The following PUS10 variants were observed in gnomAD, a reference collection of about 807,000 sequenced individuals.
PUS10 encodes the protein tRNA pseudouridine synthase Pus10.
A neutral mutation model predicts 75.0 loss-of-function variants in PUS10; 59 were observed. That is an observed-to-expected ratio of 0.79 (90% CI 0.64 to 0.98). The LOEUF is 0.98. Among genes scored for constraint, PUS10 ranks in the 50% least tolerant of loss-of-function variants. PUS10 has a pLI of 0.00. For missense variants in PUS10, 650 were observed against 614.4 expected, an observed-to-expected ratio of 1.06 and a Z score of -0.61; for synonymous variants, 219 against 211.6, an observed-to-expected ratio of 1.03 and a Z score of -0.30.
intron 11 of PUS10, among the ~76,000 whole-genome samples, chr2:60,956,947 C>A (rs1174939197): frequency 7.4e-6 from 1 of 135,426 alleles, no homozygotes; most frequent in Non-Finnish European, 1.5e-5. Flanking sequence ...TGCACTCCAG[C>A]CCGGGTGACA....
intron 4 of PUS10, among the ~76,000 whole-genome samples, chr2:60,996,130 A>T (rs1015182321): frequency 2.6e-5 from 4 of 152,214 alleles, no homozygotes; most frequent in African/African-American, 9.6e-5. Flanking sequence ...CCTCACAGGA[A>T]TGTGATTTGT....
At chr2:60,945,139 A>G (rs1382400773) in intron 16 of PUS10, 31 bp from the exon 17 acceptor site, 2 of 1,366,478 alleles carry the variant, frequency 1.5e-6, no homozygotes, top group Non-Finnish European at 1.0e-6. Flanking sequence ...AAATGAAGAC[A>G]GCATGCTGTA....
chr2:60,945,304 G>C (rs1011162168), intron 16 of PUS10, among the ~76,000 whole-genome samples, 196 bp from the exon 17 acceptor site: 1 of 152,164 alleles, frequency 6.6e-6, no homozygotes, highest in Non-Finnish European at 1.5e-5. Flanking sequence ...CAGAGCCTGG[G>C]AAATGTGTTT....
chr2:61,008,614 T>A, intron 3 of PUS10, 147 bp downstream of exon 3: 1 of 628,316 alleles, frequency 1.6e-6, no homozygotes, highest in South Asian at 2.3e-5. Flanking sequence ...CAGCTGTGAT[T>A]GTACCACTGC....
At chr2:61,014,879 A>C (rs1679866937) in intron 1 of PUS10, among the ~76,000 whole-genome samples, 1 of 152,158 alleles carries the variant, frequency 6.6e-6, no homozygotes, top group Non-Finnish European at 1.5e-5. Flanking sequence ...CAAGTTGCTA[A>C]ATGTTTGGGG....
chr2:60,998,585 G>A (rs1022634527), intron 4 of PUS10, among the ~76,000 whole-genome samples: 13 of 152,066 alleles, frequency 8.5e-5, no homozygotes, highest in African/African-American at 3.1e-4. Context: ...GCTACTCAGG[G>A]AGGCTGAAGC....
chr2:61,017,923 G>C, intron 1 of PUS10, 85 bp downstream of exon 1: 1 of 1,448,806 alleles, frequency 6.9e-7, no homozygotes, highest in Non-Finnish European at 9.5e-7. Context: ...CGGTTGTAGC[G>C]GTTGTTAGTG....
intron 1 of PUS10, chr2:61,017,732 G>C: frequency 6.5e-7 from 1 of 1,540,378 alleles, no homozygotes; most frequent in Non-Finnish European, 8.8e-7. Flanking sequence ...TCAGGGGTAG[G>C]AGCGGGAGCC....
At chr2:61,015,800 G>A (rs575980409) in intron 1 of PUS10, among the ~76,000 whole-genome samples, 5 of 152,280 alleles carry the variant, frequency 3.3e-5, no homozygotes, top group Admixed American at 1.3e-4. Flanking sequence ...CTTTGATGCA[G>A]AGAAGAGATC....
At chr2:61,006,501 T>C in intron 4 of PUS10, 56 bp downstream of exon 4, 1 of 1,261,580 alleles carries the variant, frequency 7.9e-7, no homozygotes, top group Non-Finnish European at 1.1e-6. Flanking sequence ...TCCCATTTTT[T>C]GAGAAATTCC....
chr2:60,980,308 G>T (rs1035866329), intron 4 of PUS10, among the ~76,000 whole-genome samples: 5 of 152,178 alleles, frequency 3.3e-5, no homozygotes, highest in African/African-American at 1.2e-4. Context: ...TTTGAATTTG[G>T]TTTTAGAGAG....
At chr2:60,957,001 GAAAGAAAAAA>G (rs1675714528) in intron 11 of PUS10, among the ~76,000 whole-genome samples, 2 of 105,164 alleles carry the variant, frequency 1.9e-5, no homozygotes, top group African/African-American at 4.1e-5. Context: ...AAAAAAAAAA[GAAAGAAAAAA>G]AAAGAAAAAT....
At chr2:60,952,451 A>C (rs1022622174) in intron 15 of PUS10, among the ~76,000 whole-genome samples, 1 of 152,162 alleles carries the variant, frequency 6.6e-6, no homozygotes, top group African/African-American at 2.4e-5. Flanking sequence ...GCTCAGGTAT[A>C]GGAAAATGTC....
intron 6 of PUS10, 114 bp downstream of exon 6, chr2:60,967,388 C>T: frequency 1.5e-6 from 1 of 658,174 alleles, no homozygotes; most frequent in Non-Finnish European, 2.7e-6. Flanking sequence ...CTTAAAAAAT[C>T]CTTCACTGGA....
intron 15 of PUS10, among the ~76,000 whole-genome samples, chr2:60,949,110 A>C (rs2104173754): frequency 6.6e-6 from 1 of 152,226 alleles, no homozygotes; most frequent in South Asian, 2.1e-4. Context: ...GCTTTTACCA[A>C]AGTGGTGAGT....
intron 1 of PUS10, among the ~76,000 whole-genome samples, chr2:61,013,632 G>T (rs55782930): frequency 0.063 from 9,529 of 152,202 alleles, 1,019 homozygotes; most frequent in African/African-American, 0.22. Context: ...CCTCTAGGTG[G>T]CTAAGGGCCT....
intron 4 of PUS10, among the ~76,000 whole-genome samples, chr2:61,003,640 G>A (rs1679004522): frequency 6.6e-6 from 1 of 150,570 alleles, no homozygotes; most frequent in African/African-American, 2.4e-5. Flanking sequence ...AACCCCCCAG[G>A]TCCAAGCAAT....
chr2:60,962,447 G>A (rs2104344359), intron 9 of PUS10, among the ~76,000 whole-genome samples: 1 of 152,276 alleles, frequency 6.6e-6, no homozygotes, highest in Middle Eastern at 3.4e-3. Context: ...GGTGGTGCAT[G>A]CCTATAATCC....
chr2:60,956,827 T>TAGC (rs1182248608), intron 11 of PUS10, among the ~76,000 whole-genome samples: 1 of 151,484 alleles, frequency 6.6e-6, no homozygotes, highest in African/African-American at 2.4e-5. Flanking sequence ...ACAAAAAAAT[T>TAGC]AGCTGGGTGT....
Sources: gnomAD v4.1 joint callset for allele counts (sites outside exome capture counted in the v4.1 genomes callset) on GRCh38, gnomAD v4.1.1 for gene constraint, MANE v1.5 for transcripts, NCBI Gene and HGNC (gene_info 2026-07-23, HGNC 2026-07-21) for gene names.